The following MADD variants were observed in gnomAD, a reference collection of about 807,000 sequenced individuals.
MADD encodes the protein MAP kinase-activating death domain protein.
MADD carries 109 observed loss-of-function variants against 176.7 expected under a neutral mutation model. The ratio of observed to expected loss-of-function variants is 0.62; its 90% confidence interval spans 0.53 to 0.72. The LOEUF (loss-of-function observed/expected upper bound fraction) is 0.72, where lower values mean the gene tolerates loss of function less well. MADD is among the 30% of genes least tolerant of loss of function. MADD has a pLI of 0.00. For missense variants in MADD, 1,914 were observed against 2,045.5 expected, an observed-to-expected ratio of 0.94 and a Z score of 1.24; for synonymous variants, 771 against 771.3, an observed-to-expected ratio of 1.00 and a Z score of 0.01.
rs1325147028 is a variant in MADD, at chr11:47,325,959, T to A, written c.4543-779T>A. Among the ~76,000 whole-genome samples, 2 of 152,212 alleles carry A rather than the reference T, an allele frequency of 1.3e-5. No individual in the cohort carries two copies. The highest frequency in any genetic ancestry group is 2.9e-5 in the Non-Finnish European group (2 of 68,034). On this transcript the variant is annotated intron_variant, in intron 30 of 32. Transcript: ENST00000402192. This position sits in a 1 kb window ranked among gnomAD's most constrained non-coding sequence, Gnocchi z 4.5. ...TGAGATAGCGACCTGCCCCCTATTC[T>A]GCCACACAGTGTTCAGTTGGAGTGG...
exon 15 of MADD, chr11:47,286,442 A>G (rs775676665): frequency 7.4e-6 from 12 of 1,613,782 alleles, no homozygotes; most frequent in African/African-American, 2.7e-5. Flanking sequence ...GGCAGCCTCT[A>G]TCGGAACCAC....
exon 4 of MADD, chr11:47,276,137 C>T: frequency 1.2e-6 from 2 of 1,614,226 alleles, no homozygotes; most frequent in Non-Finnish European, 1.7e-6. Context: ...ACTGCACCTT[C>T]CCTTGGAACT....
In MADD at chr11:47,284,355, C is replaced by T. The variant is rs1234459768; in HGVS notation, c.1967-20C>T. On this transcript the variant is annotated intron_variant, in intron 11 of 32. Coordinates refer to ENST00000402192, the Ensembl canonical transcript of MADD. ...CCAAGGATGGAGTGGTCTGTACCTG[C>T]CTCCCTTGGATTTTGGCAGATGTGG... 2 of 1,614,078 alleles carry T rather than the reference C, an allele frequency of 1.2e-6. No individual in the cohort carries two copies. The highest frequency in any genetic ancestry group is 2.2e-5 in the South Asian group (2 of 91,076).
At position 47,290,823 on chromosome 11, in the gene MADD, A is replaced by G. The variant is rs58023804; in HGVS notation, c.3301+7A>G. 0.19 allele frequency: 302,590 copies of G among 1,597,888 alleles called. 35,732 individuals are homozygous for G. The highest frequency in any genetic ancestry group is 0.6 in the East Asian group (26,883 of 44,486). ...AATTTTATAGCATCTATTGGTACGT[A>G]TCAGTGTGTTTGGTGTGGTGGAGGG... On this transcript the variant is annotated splice_region_variant and intron_variant, in intron 19 of 32. Coordinates refer to ENST00000402192, the Ensembl canonical transcript of MADD.
chr11:47,315,656 A>G (rs1443173659), intron 27 of MADD, among the ~76,000 whole-genome samples: 1 of 151,472 alleles, frequency 6.6e-6, no homozygotes, highest in African/African-American at 2.4e-5. Flanking sequence ...TCTATTTTTA[A>G]TAGAGATGGG....
At chr11:47,274,587 C>T (rs761556356) in exon 3 of MADD, 13 of 1,613,192 alleles carry the variant, frequency 8.1e-6, no homozygotes, top group African/African-American at 2.7e-5. Context: ...ATAGCGTGGC[C>T]CAGACTCCTG....
intron 10 of MADD, among the ~76,000 whole-genome samples, chr11:47,283,395 A>G (rs957653377): frequency 6.7e-6 from 1 of 150,090 alleles, no homozygotes; most frequent in African/African-American, 2.5e-5. Flanking sequence ...GCCCGGCCTT[A>G]TTTATTTATT....
At chr11:47,324,435 T>C (rs1394289089) in intron 29 of MADD, 36 bp from the exon 33 acceptor site, 1 of 1,593,942 alleles carries the variant, frequency 6.3e-7, no homozygotes, top group Non-Finnish European at 8.6e-7. Context: ...ATTCCCCACC[T>C]CACCAGTGAG....
intron 22 of MADD, among the ~76,000 whole-genome samples, chr11:47,298,156 G>A (rs185294218): frequency 5.0e-4 from 76 of 152,282 alleles, no homozygotes; most frequent in Non-Finnish European, 5.3e-4. Flanking sequence ...AATTGGCAAC[G>A]GGGCTAGCCT....
At chr11:47,286,379 T>C in intron 14 of MADD, 54 bp from the exon 15 acceptor site, 1 of 1,167,686 alleles carries the variant, frequency 8.6e-7, no homozygotes, top group East Asian at 2.3e-5. Context: ...ATTAGTCTAC[T>C]GCTTTGATTA....
Position 47,284,471 on chromosome 11 carries a change from A to C in MADD, c.2063A>C (p.Asp688Ala). ...AAGGAAGCAGAAGAGCCTGGCCCAG[A>C]CAGTGAGAACTCTCAGGAAAACCCC... is the stretch of plus-strand genomic sequence containing the variant. The change falls in exon 12 of 33, where the codon GAC (aspartate) becomes GCC (alanine). Residue 688 changes from aspartate to alanine, a missense_variant. Asp to Ala is a moderately radical substitution (Grantham distance 126). Around this residue, in one of 2 missense-constraint regions of MADD, gnomAD observed 1,767 missense variants for 1,836.0 expected, o/e 0.96. Coordinates refer to ENST00000402192, the Ensembl canonical transcript of MADD. 3.1e-6 allele frequency: 5 copies of C among 1,614,152 alleles called. No individual in the cohort carries two copies. In the South Asian group the frequency reaches 5.5e-5, roughly 18 times the overall value.
chr11:47,312,310 G>A lies in MADD; in HGVS notation c.4089+468G>A, dbSNP rs528054657. Reference sequence around the variant, plus strand: ...GTCGCCCAGGCTGGAGTGCAGTAGCGCAATCTTGGCTCACTGCAACCTCCA... The same window carrying A: ...GTCGCCCAGGCTGGAGTGCAGTAGCACAATCTTGGCTCACTGCAACCTCCA... On this transcript the variant is annotated intron_variant, in intron 26 of 32. Transcript: ENST00000402192. Among the ~76,000 whole-genome samples, 5 of 152,242 alleles carry A rather than the reference G, an allele frequency of 3.3e-5. No individual in the cohort carries two copies. In the South Asian group the frequency reaches 6.2e-4, roughly 19 times the overall value.
intron 27 of MADD, among the ~76,000 whole-genome samples, chr11:47,316,197 CTATA>C (rs2092856122): frequency 6.6e-6 from 1 of 151,952 alleles, no homozygotes; most frequent in Non-Finnish European, 1.5e-5. Flanking sequence ...ATAAAGATAT[CTATA>C]TATAGATGAT....
chr11:47,274,031 G>C (rs2047413930), intron 2 of MADD, 55 bp downstream of exon 2: 1 of 1,507,930 alleles, frequency 6.6e-7, no homozygotes, highest in Non-Finnish European at 9.2e-7. Context: ...CATAAAATCT[G>C]CAGTTGTTCC....
chr11:47,327,128 C>G, intron 31 of MADD: 1 of 1,076,862 alleles, frequency 9.3e-7, no homozygotes, highest in Non-Finnish European at 1.1e-6. Context: ...ACACAGCAGA[C>G]TGGCGACCCC....
intron 22 of MADD, among the ~76,000 whole-genome samples, chr11:47,299,034 GTC>G (rs1445146589): frequency 6.6e-6 from 1 of 152,122 alleles, no homozygotes; most frequent in Non-Finnish European, 1.5e-5. Context: ...TGTTCCATTG[GTC>G]TATGGGTCTG....
intron 5 of MADD, 66 bp downstream of exon 5, chr11:47,276,929 A>T: frequency 6.3e-7 from 1 of 1,576,420 alleles, no homozygotes; most frequent in Non-Finnish European, 8.6e-7. Flanking sequence ...CTTAATGCTC[A>T]AAGAAGTTGT....
chr11:47,320,491 A>G (rs1382391455), intron 27 of MADD, among the ~76,000 whole-genome samples: 3 of 151,678 alleles, frequency 2.0e-5, no homozygotes, highest in Non-Finnish European at 4.4e-5. Context: ...ATATATTTAT[A>G]TATTACTCAT....
intron 5 of MADD, 96 bp downstream of exon 5, chr11:47,276,959 A>G (rs2050522617): frequency 4.3e-6 from 6 of 1,384,932 alleles, no homozygotes; most frequent in Non-Finnish European, 5.9e-6. Context: ...CTGGTCCTCA[A>G]TCCTTTGTCA....
Sources: gnomAD v4.1 joint callset for allele counts (sites outside exome capture counted in the v4.1 genomes callset) on GRCh38, gnomAD v4.1.1 for gene constraint, gnomAD v4.1.1 regional missense constraint, Gnocchi (gnomAD v3.1) non-coding constraint, MANE v1.5 for transcripts, NCBI Gene and HGNC (gene_info 2026-07-23, HGNC 2026-07-21) for gene names.